The following ZFAND3 variants were observed in gnomAD, a reference collection of about 807,000 sequenced individuals.
ZFAND3 encodes the protein zinc finger AN1-type containing 3, also known as AN1-type zinc finger protein 3.
Under a neutral mutation model 29.6 loss-of-function variants are expected in ZFAND3, and 10 were observed. That is an observed-to-expected ratio of 0.34 (90% CI 0.21 to 0.57). The LOEUF (loss-of-function observed/expected upper bound fraction) is 0.57, where lower values mean the gene tolerates loss of function less well. Ranked by LOEUF, ZFAND3 falls within the 20% of genes least tolerant of loss-of-function variation. The probability of loss-of-function intolerance (pLI) is 0.86; values close to 1 mark genes in which losing one functional copy is unlikely to be tolerated. For missense variants in ZFAND3, 230 were observed against 304.5 expected, an observed-to-expected ratio of 0.76 and a Z score of 1.82; for synonymous variants, 128 against 112.6, an observed-to-expected ratio of 1.14 and a Z score of -0.87.
At chr6:38,021,849 G>A (rs1203423848) in intron 2 of ZFAND3, among the ~76,000 whole-genome samples, 2 of 152,174 alleles carry the variant, frequency 1.3e-5, no homozygotes, top group Non-Finnish European at 2.9e-5. Flanking sequence ...GTGAGGCAGG[G>A]AGAGTGGCAC....
chr6:37,980,423 A>G (rs1273018065), intron 2 of ZFAND3, among the ~76,000 whole-genome samples: 6 of 152,072 alleles, frequency 3.9e-5, no homozygotes, highest in African/African-American at 1.4e-4. Flanking sequence ...CTCTTGTATC[A>G]TTTGCTGATC....
chr6:37,863,983 G>T (rs1301481365), intron 1 of ZFAND3, among the ~76,000 whole-genome samples: 1 of 151,974 alleles, frequency 6.6e-6, no homozygotes, highest in East Asian at 1.9e-4. Flanking sequence ...CAGTGGCTGG[G>T]ATAGCATATG....
At chr6:38,114,125 A>G (rs1162973116) in intron 4 of ZFAND3, among the ~76,000 whole-genome samples, 1 of 152,164 alleles carries the variant, frequency 6.6e-6, no homozygotes, top group African/African-American at 2.4e-5. Context: ...GTAATTTCCT[A>G]TAAGGATGCT....
chr6:38,067,988 A>T (rs1764379356), intron 3 of ZFAND3, among the ~76,000 whole-genome samples: 1 of 152,136 alleles, frequency 6.6e-6, no homozygotes, highest in Non-Finnish European at 1.5e-5. Context: ...AGAGGAAGAG[A>T]ACTGATACCT....
intron 1 of ZFAND3, among the ~76,000 whole-genome samples, chr6:37,922,745 A>G (rs1761406799): frequency 6.6e-6 from 1 of 152,228 alleles, no homozygotes; most frequent in South Asian, 2.1e-4. Context: ...ATCTAAACAT[A>G]GAAAAGGTGT....
intron 3 of ZFAND3, among the ~76,000 whole-genome samples, chr6:38,076,053 C>T (rs947717382): frequency 2.0e-5 from 3 of 152,088 alleles, no homozygotes; most frequent in South Asian, 2.1e-4. Flanking sequence ...ATCCCGGCCT[C>T]GTTTTCTTTT....
At chr6:38,038,721 A>T (rs1194943351) in intron 2 of ZFAND3, among the ~76,000 whole-genome samples, 2 of 152,214 alleles carry the variant, frequency 1.3e-5, no homozygotes, top group African/African-American at 4.8e-5. Context: ...TTTCATGGTC[A>T]GTAGACTTTC....
chr6:38,088,008 G>T (rs756329346), intron 4 of ZFAND3, among the ~76,000 whole-genome samples: 1 of 152,154 alleles, frequency 6.6e-6, no homozygotes, highest in Non-Finnish European at 1.5e-5. Context: ...AAGAGTGTTG[G>T]TATTAAATCA....
intron 2 of ZFAND3, among the ~76,000 whole-genome samples, chr6:37,931,134 A>G (rs1444413911): frequency 6.6e-6 from 1 of 152,210 alleles, no homozygotes; most frequent in Non-Finnish European, 1.5e-5. Context: ...TTACATTTTT[A>G]AAGGAATGGC....
intron 2 of ZFAND3, among the ~76,000 whole-genome samples, chr6:38,033,272 A>G (rs1476299396): frequency 1.3e-5 from 2 of 152,134 alleles, no homozygotes; most frequent in Non-Finnish European, 2.9e-5. Context: ...ATGAGAAGGG[A>G]TGTTGTATTC....
chr6:37,994,145 T>G (rs1762809310), intron 2 of ZFAND3, among the ~76,000 whole-genome samples: 1 of 152,124 alleles, frequency 6.6e-6, no homozygotes, highest in African/African-American at 2.4e-5. Context: ...TGTTTTGGCT[T>G]CTGTTACAAA....
At chr6:38,044,719 A>C (rs1325487036) in intron 2 of ZFAND3, among the ~76,000 whole-genome samples, 1 of 152,234 alleles carries the variant, frequency 6.6e-6, no homozygotes, top group Non-Finnish European at 1.5e-5. Flanking sequence ...TTTCACATAC[A>C]GAGCTAAGCG....
At chr6:38,119,134 C>T (rs953710736) in intron 5 of ZFAND3, among the ~76,000 whole-genome samples, 4 of 152,090 alleles carry the variant, frequency 2.6e-5, no homozygotes, top group African/African-American at 7.2e-5. Flanking sequence ...ATGACTGAGT[C>T]GACTGTCACC....
intron 2 of ZFAND3, chr6:38,003,605 C>T: frequency 3.8e-6 from 1 of 264,208 alleles, no homozygotes; most frequent in Non-Finnish European, 7.5e-6. Context: ...CTCTAGCAAT[C>T]CTCCCACTTC....
chr6:37,873,219 C>T (rs552241774), intron 1 of ZFAND3, among the ~76,000 whole-genome samples: 12 of 152,134 alleles, frequency 7.9e-5, no homozygotes, highest in Non-Finnish European at 1.6e-4. Flanking sequence ...TGCGGTGAGC[C>T]GAGATCACGC....
At chr6:38,112,691 C>G (rs189746370) in intron 4 of ZFAND3, among the ~76,000 whole-genome samples, 159 of 152,054 alleles carry the variant, frequency 1.0e-3, no homozygotes, top group Non-Finnish European at 1.6e-3. Context: ...TAGTCTTTTT[C>G]TAATTGACAT....
chr6:38,137,254 A>G (rs1765859727), intron 5 of ZFAND3, among the ~76,000 whole-genome samples: 2 of 152,210 alleles, frequency 1.3e-5, no homozygotes, highest in Admixed American at 1.3e-4. Flanking sequence ...GTGCTACTGC[A>G]AAAAACAGGA....
intron 2 of ZFAND3, among the ~76,000 whole-genome samples, chr6:37,934,024 A>T (rs912334602): frequency 6.7e-6 from 1 of 150,146 alleles, no homozygotes; most frequent in African/African-American, 2.5e-5. Flanking sequence ...AGTAGCTGGG[A>T]TTACAGGCGT....
chr6:38,034,526 G>T (rs955860775), intron 2 of ZFAND3, among the ~76,000 whole-genome samples: 1 of 152,168 alleles, frequency 6.6e-6, no homozygotes, highest in African/African-American at 2.4e-5. Flanking sequence ...TCATGTGTTT[G>T]CTGGCTTGTC....
Sources: allele counts gnomAD v4.1 joint callset (sites outside exome capture counted in the v4.1 genomes callset), GRCh38; gene constraint gnomAD v4.1.1; transcripts MANE v1.5; gene names NCBI Gene and HGNC (gene_info 2026-07-23, HGNC 2026-07-21).